The following GLI2 variants were observed in gnomAD, a reference collection of about 807,000 sequenced individuals.
GLI2 encodes GLI family zinc finger 2, also known as transcription activator GLI2.
In GLI2, 22 loss-of-function variants were observed where a neutral mutation model predicts 78.9. The ratio of observed to expected loss-of-function variants is 0.28; its 90% CI spans 0.20 to 0.40. GLI2 has a LOEUF of 0.40. Among genes scored for constraint, GLI2 ranks in the 10% least tolerant of loss-of-function variants. The pLI is 1.00. For synonymous variants in GLI2, 974 were observed against 963.7 expected, an observed-to-expected ratio of 1.01 and a Z score of -0.20; for missense variants, 2,097 against 2,213.2, an observed-to-expected ratio of 0.95 and a Z score of 1.05.
chr2:120,826,508 AGTGGGGTCCCCTCCGT>A (rs1686068952), intron 2 of GLI2, among the ~76,000 whole-genome samples: 1 of 152,144 alleles, frequency 6.6e-6, no homozygotes, highest in Non-Finnish European at 1.5e-5. Context: ...CTCTGGAGGA[AGTGGGGTCCCCTCCGT>A]GTGGGACCTT....
intron 2 of GLI2, among the ~76,000 whole-genome samples, chr2:120,809,257 C>A (rs894080382): frequency 2.0e-5 from 3 of 152,036 alleles, no homozygotes; most frequent in Admixed American, 2.0e-4. Flanking sequence ...AGAAAGAAGC[C>A]GGGCATAAAA....
intron 5 of GLI2, among the ~76,000 whole-genome samples, chr2:120,960,981 C>T (rs1395690658): frequency 6.6e-6 from 1 of 152,206 alleles, no homozygotes; most frequent in African/African-American, 2.4e-5. Context: ...GGTCATCATT[C>T]TGCTGAGCGG....
intron 10 of GLI2, among the ~76,000 whole-genome samples, chr2:120,980,285 C>T (rs1682658679): frequency 6.6e-6 from 1 of 152,228 alleles, no homozygotes; most frequent in Non-Finnish European, 1.5e-5. Flanking sequence ...CAAATCCTCA[C>T]CAACACTGGT....
At chr2:120,792,873 G>A (rs918255592) in intron 1 of GLI2, among the ~76,000 whole-genome samples, 7 of 152,046 alleles carry the variant, frequency 4.6e-5, no homozygotes, top group Admixed American at 3.3e-4. Context: ...CGCCTGCCTC[G>A]GCCTCCCAAA....
At chr2:120,859,628 T>C (rs1161220086) in intron 2 of GLI2, among the ~76,000 whole-genome samples, 2 of 152,090 alleles carry the variant, frequency 1.3e-5, no homozygotes, top group Admixed American at 1.3e-4. Flanking sequence ...CTAATTTTTG[T>C]ATTTTTAGTA....
In GLI2 at chr2:120,790,777, A is replaced by G. The variant is rs914055728; in HGVS notation, c.-30-6514A>G. 4.6e-5 allele frequency among the ~76,000 whole-genome samples: 7 copies of G among 152,188 alleles called. No homozygotes were observed. In the South Asian group the frequency reaches 1.5e-3, roughly 32 times the overall value. ...GCAGGCTTCGGTTTCATGTACAGTG[A>G]TGGGAAGGTGGACAGAGAAGGCAGA... On this transcript the variant is annotated intron_variant, in intron 1 of 13. Coordinates refer to ENST00000361492, the MANE Select transcript of GLI2 (RefSeq NM_001374353.1).
rs562206868 is a variant in GLI2, at chr2:120,806,748, G to A, written c.148+9280G>A. 2.5e-3 allele frequency among the ~76,000 whole-genome samples: 387 copies of A among 152,348 alleles called. 1 individual carries two copies. Among genetic ancestry groups the A allele is most frequent in the African/African-American group, 8.7e-3 (360 of 41,582 alleles). ...AGGCCGAGGTCCCGGAGGCTCCACT[G>A]AAGTCTCTTTGAATGGACATTGAGG... is the stretch of plus-strand genomic sequence containing the variant. On this transcript the variant is annotated intron_variant, in intron 2 of 13. Transcript: ENST00000361492.
At chr2:120,896,861 T>C (rs1443895720) in intron 2 of GLI2, among the ~76,000 whole-genome samples, 3 of 152,176 alleles carry the variant, frequency 2.0e-5, no homozygotes, top group Non-Finnish European at 4.4e-5. Context: ...TATGTAGTTC[T>C]ACAGGCAGCC....
rs1168689368 is a variant in GLI2 at position 120,982,808 on chromosome 2, C to T, written c.1560C>T (p.His520=). 1.1e-5 allele frequency: 17 copies of T among 1,614,040 alleles called. No individual in the cohort carries two copies. The highest frequency in any genetic ancestry group is 1.3e-5 in the African/African-American group (1 of 74,934). ...HTGEKPYVCE[H]EGCNKAFSNA... ...GGGAGAAGCCATATGTGTGTGAGCA[C>T]GAGGGCTGCAACAAAGCCTTCTCCA... Residue 520 remains histidine (H), a synonymous_variant, in exon 11 of 14, where the codon CAC becomes CAT. Transcript: ENST00000361492.
At position 120,987,198 on chromosome 2, in the gene GLI2, C is replaced by G. The variant is rs116012545; in HGVS notation, c.2242+584C>G. On this transcript the variant is annotated intron_variant, in intron 13 of 13. Coordinates refer to ENST00000361492, the MANE Select transcript of GLI2 (RefSeq NM_001374353.1). ...GCTCTGAGATGGAAGGCGTCTTTAACGAGCATGTCTTGGGTACTGACTCTG... is the reference window on the plus strand; with the variant it reads ...GCTCTGAGATGGAAGGCGTCTTTAAGGAGCATGTCTTGGGTACTGACTCTG... Among the ~76,000 whole-genome samples the G allele has an allele frequency of 1.7e-3, 252 of 152,310 alleles. 1 individual carries two copies. The highest frequency in any genetic ancestry group is 5.8e-3 in the African/African-American group (240 of 41,568).
At chr2:120,925,892 G>A (rs1679639322) in intron 2 of GLI2, among the ~76,000 whole-genome samples, 1 of 151,580 alleles carries the variant, frequency 6.6e-6, no homozygotes, top group Non-Finnish European at 1.5e-5. Flanking sequence ...CTAACACGGT[G>A]AAACCTCGTC....
intron 2 of GLI2, among the ~76,000 whole-genome samples, chr2:120,842,905 A>G (rs909932885): frequency 7.2e-5 from 11 of 152,238 alleles, no homozygotes; most frequent in Non-Finnish European, 1.5e-4. Flanking sequence ...AAATGAATAC[A>G]TTCCATGAGA....
chr2:120,884,884 G>A (rs1167258878), intron 2 of GLI2, among the ~76,000 whole-genome samples: 1 of 152,126 alleles, frequency 6.6e-6, no homozygotes, highest in Non-Finnish European at 1.5e-5. Context: ...GGTTCTTCCT[G>A]TAATCTTCTC....
At chr2:120,896,897 G>C (rs891635604) in intron 2 of GLI2, among the ~76,000 whole-genome samples, 4 of 152,064 alleles carry the variant, frequency 2.6e-5, no homozygotes, top group African/African-American at 9.7e-5. Flanking sequence ...TGTGTAACAG[G>C]GCTGAACAAA....
intron 2 of GLI2, among the ~76,000 whole-genome samples, chr2:120,864,328 C>T (rs1362356741): frequency 6.6e-6 from 1 of 152,152 alleles, no homozygotes; most frequent in Non-Finnish European, 1.5e-5. Flanking sequence ...ACATGGGTTG[C>T]TCAGGGCCAA....
At chr2:120,758,084 A>G (rs1050217671) in intron 1 of GLI2, among the ~76,000 whole-genome samples, 68 of 152,122 alleles carry the variant, frequency 4.5e-4, no homozygotes, top group African/African-American at 1.6e-3. Flanking sequence ...ACCTGACGGG[A>G]GAGGCTGGTG....
At chr2:120,848,447 G>T (rs1687229551) in intron 2 of GLI2, among the ~76,000 whole-genome samples, 1 of 152,204 alleles carries the variant, frequency 6.6e-6, no homozygotes, top group Non-Finnish European at 1.5e-5. Context: ...CGCCCCTGGG[G>T]TTGTCCCTGT....
chr2:120,983,946 G>GGTGTGTGT (rs5833859), intron 11 of GLI2, among the ~76,000 whole-genome samples: 113 of 143,210 alleles, frequency 7.9e-4, no homozygotes, highest in African/African-American at 2.9e-3. Context: ...TGGTGTGTGG[G>GGTGTGTGT]GTGTGTGTGT....
At chr2:120,848,838 G>A (rs1406826415) in intron 2 of GLI2, among the ~76,000 whole-genome samples, 2 of 152,200 alleles carry the variant, frequency 1.3e-5, no homozygotes, top group Non-Finnish European at 2.9e-5. Context: ...AAGGGGCTGG[G>A]ATGCCATCTC....
Sources: gnomAD v4.1 joint callset for allele counts (sites outside exome capture counted in the v4.1 genomes callset) on GRCh38, gnomAD v4.1.1 for gene constraint, MANE v1.5 for transcripts, NCBI Gene and HGNC (gene_info 2026-07-23, HGNC 2026-07-21) for gene names.